The following BAIAP2 variants were observed in gnomAD, a reference collection of about 807,000 sequenced individuals.
BAIAP2 encodes the protein BAR/IMD domain containing adaptor protein 2.
BAIAP2 carries 18 observed loss-of-function variants against 63.0 expected under a neutral mutation model. The ratio of observed to expected loss-of-function variants is 0.29; its 90% confidence interval spans 0.20 to 0.42. The LOEUF (loss-of-function observed/expected upper bound fraction) is 0.42, where lower values mean the gene tolerates loss of function less well. Ranked by LOEUF, BAIAP2 falls within the 10% of genes least tolerant of loss-of-function variation. BAIAP2 has a pLI of 1.00. For synonymous variants in BAIAP2, 386 were observed against 307.6 expected (o/e 1.25, Z -2.67); for missense variants, 610 against 734.3 (o/e 0.83, Z 1.96).
Position 81,057,978 on chromosome 17 carries a change from C to CA in BAIAP2, c.217+11_217+12insA. 2.6e-6 allele frequency: 2 copies of CA among 762,746 alleles called. No individual in the cohort carries two copies. The highest frequency in any genetic ancestry group is 3.5e-6 in the Non-Finnish European group (2 of 568,242). The allele number at this position is 762,746 out of a possible 1,614,324, so 47.2% of individuals were successfully genotyped here. A position where few individuals can be genotyped will look rare whatever the true frequency, so the allele number is the denominator to read the frequency against. On this transcript the variant is annotated intron_variant, in intron 3 of 13. Transcript: ENST00000428708. ...GCTCCAAAGAACTCGGTGAGACCCC[C>CA]CCCCCCCCCCCGCCTGGTAGTCGCC...
chr17:81,069,126 G>A (rs1206152326), intron 3 of BAIAP2, among the ~76,000 whole-genome samples: 13 of 152,300 alleles, frequency 8.5e-5, no homozygotes, highest in East Asian at 1.9e-4. Flanking sequence ...AAGGGCAAAC[G>A]GCAGAGCATC....
chr17:81,043,750 G>A (rs1402916548), intron 1 of BAIAP2, among the ~76,000 whole-genome samples: 3 of 152,208 alleles, frequency 2.0e-5, no homozygotes, highest in African/African-American at 4.8e-5. Flanking sequence ...TCAGGGAGAA[G>A]TGTGTCCCCG....
At chr17:81,049,108 T>C (rs2048277953) in intron 1 of BAIAP2, among the ~76,000 whole-genome samples, 1 of 152,232 alleles carries the variant, frequency 6.6e-6, no homozygotes, top group Non-Finnish European at 1.5e-5. Context: ...AGGGAGCCAG[T>C]GCGTGGTCGC....
chr17:81,062,881 A>T (rs559858783), intron 3 of BAIAP2, among the ~76,000 whole-genome samples: 5 of 151,544 alleles, frequency 3.3e-5, no homozygotes, highest in Admixed American at 3.3e-4. Context: ...GTTCAGGGCC[A>T]CCTTGGTGCT....
At chr17:81,085,394 G>T in intron 4 of BAIAP2, 1 of 637,402 alleles carries the variant, frequency 1.6e-6, no homozygotes, top group Non-Finnish European at 2.9e-6. Context: ...AGGAAGGAGG[G>T]GATGGCCGTT....
At chr17:81,111,069 G>C (rs1483879355) in intron 13 of BAIAP2, 1 of 1,359,220 alleles carries the variant, frequency 7.4e-7, no homozygotes, top group African/African-American at 1.4e-5. Flanking sequence ...TGCATGGCGG[G>C]GCCAGGGGTC....
rs1320586761 is a variant in BAIAP2, at chr17:81,035,275, G to A, written c.21G>A (p.Glu7=). The A allele has an allele frequency of 2.0e-6, 3 of 1,520,570 alleles. No homozygotes were observed. Among genetic ancestry groups the A allele is most frequent in the Non-Finnish European group, 1.8e-6 (2 of 1,130,796 alleles). The allele number at this position is 1,520,570 out of a possible 1,614,324, so 94.2% of individuals were successfully genotyped here. Residue 7 remains glutamate, a synonymous_variant, in exon 1 of 14, where the codon GAG becomes GAA. Transcript: ENST00000428708. The part of the protein sequence containing the change: MSLSRS[E]EMHRLTENVY... ...GGACCATGTCTCTGTCTCGCTCAGA[G>A]GAGATGCACCGGCTCACGGAAAATG... is the stretch of plus-strand genomic sequence containing the variant.
chr17:81,105,967 A>G (rs1016432052), intron 10 of BAIAP2, 111 bp from the exon 11 acceptor site: 1 of 887,134 alleles, frequency 1.1e-6, no homozygotes, highest in Admixed American at 2.2e-5. Flanking sequence ...CTCCAGAGAC[A>G]GCCGCGCAGC....
intron 13 of BAIAP2, chr17:81,109,074 A>C: frequency 6.7e-7 from 1 of 1,500,474 alleles, no homozygotes; most frequent in Non-Finnish European, 8.9e-7. Context: ...TTTCCTCCTC[A>C]GCTCTCGCTG....
intron 1 of BAIAP2, among the ~76,000 whole-genome samples, chr17:81,040,097 A>T (rs970357300): frequency 4.6e-5 from 7 of 152,112 alleles, no homozygotes; most frequent in African/African-American, 1.7e-4. Flanking sequence ...ATGGGTGGGG[A>T]CACTCGCCAC....
rs2058769789 is a variant in BAIAP2 at position 81,103,600 on chromosome 17, G to A, written c.741G>A (p.Val247=). 3 of 1,604,936 alleles carry A rather than the reference G, an allele frequency of 1.9e-6. No individual in the cohort carries two copies. In the South Asian group the frequency reaches 3.3e-5, roughly 18 times the overall value. ...GCGCGGTGCAGCTCATGCAGCAGGTGGCCAGCAACGGCGCCACCCTCCCCA... is the reference window on the plus strand; with the variant it reads ...GCGCGGTGCAGCTCATGCAGCAGGTAGCCAGCAACGGCGCCACCCTCCCCA... The part of the protein sequence containing the change: ...PERAVQLMQQ[V]ASNGATLPSA... Residue 247 remains valine (V), a synonymous_variant, in exon 8 of 14, where the codon GTG becomes GTA. Coordinates refer to ENST00000428708, the MANE Select transcript of BAIAP2 (RefSeq NM_001144888.2).
At chr17:81,075,431 G>A (rs2053493893) in intron 3 of BAIAP2, among the ~76,000 whole-genome samples, 1 of 152,232 alleles carries the variant, frequency 6.6e-6, no homozygotes, top group South Asian at 2.1e-4. Context: ...AAGGAGCTCG[G>A]CCGTCGCCTC....
rs75719565 is a variant in BAIAP2 at position 81,055,034 on chromosome 17, C to T, written c.130+1291C>T. Among the ~76,000 whole-genome samples, 528 of 152,314 alleles carry T rather than the reference C, an allele frequency of 3.5e-3. 7 individuals carry two copies. Among genetic ancestry groups the T allele is most frequent in the African/African-American group, 0.012 (506 of 41,558 alleles). On this transcript the variant is annotated intron_variant, in intron 2 of 13. Transcript: ENST00000428708. ...TCCACATCCCCAGCAGGGAGGAGAT[C>T]GTGTGTTTTCCGGGACACGTGCTGC...
chr17:81,103,764 G>A lies in BAIAP2; in HGVS notation c.864+41G>A, dbSNP rs779050963. On this transcript the variant is annotated intron_variant, in intron 8 of 13. Transcript: ENST00000428708. ...CTGGAAAGCTTCACGGGTGTGGGTG[G>A]GAGGGCAGCTTGTTGTCAGGGCGGG... 13 of 1,581,332 alleles carry A rather than the reference G, an allele frequency of 8.2e-6. No individual in the cohort carries two copies. In the South Asian group the frequency reaches 8.9e-5, roughly 11 times the overall value.
intron 7 of BAIAP2, among the ~76,000 whole-genome samples, chr17:81,101,582 C>T (rs1033075004): frequency 6.6e-6 from 1 of 152,186 alleles, no homozygotes; most frequent in African/African-American, 2.4e-5. Flanking sequence ...ACGGGCTATA[C>T]CTTGACACTT....
chr17:81,069,327 C>T (rs1053610674), intron 3 of BAIAP2, among the ~76,000 whole-genome samples: 1 of 152,210 alleles, frequency 6.6e-6, no homozygotes, highest in African/African-American at 2.4e-5. Flanking sequence ...AGAGCACGCA[C>T]GCGGGCACAG....
intron 3 of BAIAP2, among the ~76,000 whole-genome samples, chr17:81,084,149 C>T (rs894186674): frequency 1.3e-5 from 2 of 152,202 alleles, no homozygotes; most frequent in African/African-American, 4.8e-5. Flanking sequence ...CCAAGCGCTG[C>T]CCGTGTGTCC....
chr17:81,060,469 C>T (rs2050356123), intron 3 of BAIAP2, among the ~76,000 whole-genome samples: 1 of 152,126 alleles, frequency 6.6e-6, no homozygotes, highest in African/African-American at 2.4e-5. Flanking sequence ...TGTGTCTGAC[C>T]CTTTTCCCTG....
chr17:81,052,685 G>A (rs11869351), intron 1 of BAIAP2, among the ~76,000 whole-genome samples: 33,866 of 152,060 alleles, frequency 0.22, 4,055 homozygotes, highest in Non-Finnish European at 0.27. Flanking sequence ...CTTTCTATCT[G>A]TTCTCTTGGC....
Sources: gnomAD v4.1 joint callset for allele counts (sites outside exome capture counted in the v4.1 genomes callset) on GRCh38, gnomAD v4.1.1 for gene constraint, MANE v1.5 for transcripts, NCBI Gene and HGNC (gene_info 2026-07-23, HGNC 2026-07-21) for gene names.